Variants in CDH20 observed in about 807,000 individuals in gnomAD.
The protein encoded by CDH20 is cadherin 20, also known as cadherin-20.
A neutral mutation model predicts 74.2 loss-of-function variants in CDH20; 29 were observed. The ratio of observed to expected loss-of-function variants is 0.39; its 90% CI spans 0.29 to 0.53. CDH20 has a LOEUF of 0.53. Ranked by LOEUF, CDH20 falls within the 20% of genes least tolerant of loss-of-function variation. The pLI, the probability that CDH20 is intolerant of heterozygous loss-of-function variation, is 0.69. For synonymous variants in CDH20, 469 were observed against 405.4 expected, an observed-to-expected ratio of 1.16 and a Z score of -1.88; for missense variants, 988 against 1,048.3, an observed-to-expected ratio of 0.94 and a Z score of 0.79.
At chr18:61,399,872 CATT>C (rs1029474620) in intron 1 of CDH20, among the ~76,000 whole-genome samples, 2 of 152,188 alleles carry the variant, frequency 1.3e-5, no homozygotes, top group African/African-American at 4.8e-5. Context: ...ACAGTATCAT[CATT>C]AAGCACCAAA....
chr18:61,337,612 T>A (rs910030750), intron 1 of CDH20, among the ~76,000 whole-genome samples: 2 of 152,144 alleles, frequency 1.3e-5, no homozygotes, highest in South Asian at 2.1e-4. Context: ...AGAAAACATA[T>A]TTTATGTAAT....
intron 1 of CDH20, among the ~76,000 whole-genome samples, chr18:61,421,793 T>C (rs945264224): frequency 1.3e-5 from 2 of 152,136 alleles, no homozygotes; most frequent in Non-Finnish European, 2.9e-5. Flanking sequence ...GATGGATAGA[T>C]AGATAGATAA....
chr18:61,550,364 C>A, intron 11 of CDH20, 135 bp downstream of exon 11: 2 of 1,096,012 alleles, frequency 1.8e-6, no homozygotes, highest in East Asian at 2.4e-5. Context: ...TAGAGTGAGG[C>A]TGCACAAAAA....
Position 61,353,605 on chromosome 18 carries a change from T to C in CDH20, c.-153+19778T>C, listed in dbSNP as rs1361372360. ...GCACATATTTTAGTGTTTGTTAAGA[T>C]TTTGTTCAGTTAAATTTAATGGACC... On this transcript the variant is annotated intron_variant, in intron 1 of 11. Coordinates refer to ENST00000262717, the MANE Select transcript of CDH20 (RefSeq NM_031891.4). This position sits in a 1 kb window ranked among gnomAD's most constrained non-coding sequence, Gnocchi z 4.6. 6.6e-6 allele frequency among the ~76,000 whole-genome samples: 1 copy of C among 152,214 alleles called. No homozygotes were observed. Among genetic ancestry groups the C allele is most frequent in the Non-Finnish European group, 1.5e-5 (1 of 68,042 alleles).
At position 61,554,606 on chromosome 18, in the gene CDH20, A is replaced by C. The variant is rs1281544648; in HGVS notation, c.2317A>C (p.Ser773Arg). 1 of 1,608,416 alleles carries C rather than the reference A, an allele frequency of 6.2e-7. No individual in the cohort carries two copies. The highest frequency in any genetic ancestry group is 2.2e-5 in the East Asian group (1 of 44,784). The change falls in exon 12 of 12, where the codon AGC becomes CGC. Residue 773 changes from serine (S) to arginine (R), a missense_variant. Coordinates refer to ENST00000262717, the MANE Select transcript of CDH20 (RefSeq NM_031891.4). ...GTCGGCCACGTCGGACTCGGAACAG[A>C]GCTTCGACTTCCTGACGGACTGGGG... The part of the protein sequence containing the change: ...LQSATSDSEQ[S>R]FDFLTDWGPR...
At chr18:61,364,127 G>T (rs532930257) in intron 1 of CDH20, among the ~76,000 whole-genome samples, 29 of 151,752 alleles carry the variant, frequency 1.9e-4, no homozygotes, top group Admixed American at 5.3e-4. Context: ...AACTGCTGGT[G>T]GGGGGGAACA....
At chr18:61,427,738 A>T (rs1340749753) in intron 1 of CDH20, among the ~76,000 whole-genome samples, 1 of 152,236 alleles carries the variant, frequency 6.6e-6, no homozygotes, top group Admixed American at 6.5e-5. Context: ...TAGCTGGTTG[A>T]TCACACTGTA....
chr18:61,431,359 G>C (rs1042577295), intron 1 of CDH20, among the ~76,000 whole-genome samples: 1 of 152,120 alleles, frequency 6.6e-6, no homozygotes, highest in African/African-American at 2.4e-5. Flanking sequence ...ACAGACAAAG[G>C]ATGTTAGGGA....
intron 1 of CDH20, among the ~76,000 whole-genome samples, chr18:61,436,885 A>G (rs540642618): frequency 6.6e-6 from 1 of 152,296 alleles, no homozygotes; most frequent in African/African-American, 2.4e-5. Flanking sequence ...GCCTGGGACA[A>G]TAAATAGCTG....
intron 1 of CDH20, among the ~76,000 whole-genome samples, chr18:61,376,808 C>T (rs1432174859): frequency 6.6e-6 from 1 of 152,034 alleles, no homozygotes; most frequent in African/African-American, 2.4e-5. Flanking sequence ...GGTGTAACAG[C>T]TTTCACAAGG....
At chr18:61,413,899 A>G (rs1041430754) in intron 1 of CDH20, among the ~76,000 whole-genome samples, 2 of 152,192 alleles carry the variant, frequency 1.3e-5, no homozygotes, top group African/African-American at 4.8e-5. Flanking sequence ...TGCAAATTCC[A>G]TATAACTTAA....
intron 1 of CDH20, among the ~76,000 whole-genome samples, chr18:61,461,037 A>G (rs182515663): frequency 8.2e-4 from 125 of 152,254 alleles, no homozygotes; most frequent in African/African-American, 2.9e-3. Context: ...TTAATTTTTT[A>G]GTTTTAAAAG....
intron 1 of CDH20, among the ~76,000 whole-genome samples, chr18:61,389,047 G>A (rs1277125393): frequency 6.6e-6 from 1 of 152,066 alleles, no homozygotes; most frequent in Non-Finnish European, 1.5e-5. Context: ...TCCATTCAGG[G>A]TCCCCTCACA....
chr18:61,487,255 T>G (rs1910800145), intron 1 of CDH20, among the ~76,000 whole-genome samples: 2 of 152,158 alleles, frequency 1.3e-5, no homozygotes, highest in Non-Finnish European at 2.9e-5. Flanking sequence ...CCCAAACACA[T>G]TATTGCTATT....
intron 1 of CDH20, among the ~76,000 whole-genome samples, chr18:61,455,674 G>C (rs1021619801): frequency 1.3e-5 from 2 of 152,050 alleles, no homozygotes; most frequent in African/African-American, 2.4e-5. Context: ...CCACTGGAAG[G>C]TCATATTCTC....
At chr18:61,545,641 AAATAAAATAC>A (rs1913222616) in intron 10 of CDH20, among the ~76,000 whole-genome samples, 1 of 152,150 alleles carries the variant, frequency 6.6e-6, no homozygotes, top group Non-Finnish European at 1.5e-5. Context: ...CTAGGATAAA[AAATAAAATAC>A]AATAAAATAA....
intron 1 of CDH20, among the ~76,000 whole-genome samples, chr18:61,358,977 C>T (rs1910594677): frequency 6.6e-6 from 1 of 151,992 alleles, no homozygotes; most frequent in Admixed American, 6.5e-5. Flanking sequence ...CACAATTGGT[C>T]TCACAACCTT....
intron 2 of CDH20, among the ~76,000 whole-genome samples, chr18:61,493,811 G>A (rs1321899804): frequency 6.6e-6 from 1 of 152,190 alleles, no homozygotes; most frequent in African/African-American, 2.4e-5. Context: ...CAAGAAAAGA[G>A]TATGTTTGTA....
In CDH20 at chr18:61,554,215, G is replaced by A. The variant is rs192385216; in HGVS notation, c.1926G>A (p.Met642Ile). Residue 642 changes from methionine to isoleucine, a missense_variant, in exon 12 of 12, where the codon ATG (methionine) becomes ATA (isoleucine). Physicochemically the swap from Met to Ile is conservative, Grantham distance 10. This residue lies in a region of CDH20 where 375 missense variants were observed against 293.1 expected (regional missense o/e 1.28). Coordinates refer to ENST00000262717, the MANE Select transcript of CDH20 (RefSeq NM_031891.4). ...LLVLVLLILS[M>I]RRHRKQPYII... ...TGCTGGTGTTGCTCATTTTGTCCAT[G>A]AGGCGGCACCGGAAACAACCATACA... 1.2e-6 allele frequency: 2 copies of A among 1,612,066 alleles called. No individual in the cohort carries two copies. The highest frequency in any genetic ancestry group is 1.7e-5 in the Admixed American group (1 of 59,992).
Sources: allele counts gnomAD v4.1 joint callset (sites outside exome capture counted in the v4.1 genomes callset), GRCh38; gene constraint gnomAD v4.1.1; regional missense constraint gnomAD v4.1.1; non-coding constraint Gnocchi (gnomAD v3.1); transcripts MANE v1.5; gene names NCBI Gene and HGNC (gene_info 2026-07-23, HGNC 2026-07-21).